The following NCAM2 variants were observed in gnomAD, a reference collection of about 807,000 sequenced individuals.
NCAM2 encodes the protein neural cell adhesion molecule 2.
NCAM2 carries 30 observed loss-of-function variants against 98.1 expected under a neutral mutation model. That is an observed-to-expected ratio of 0.31 (90% CI 0.23 to 0.41). The LOEUF is 0.41. NCAM2 is among the 10% of genes least tolerant of loss of function. The pLI, the probability that NCAM2 is intolerant of heterozygous loss-of-function variation, is 1.00. For missense variants in NCAM2, 867 were observed against 1,005.8 expected, an observed-to-expected ratio of 0.86 and a Z score of 1.87; for synonymous variants, 368 against 342.4, an observed-to-expected ratio of 1.07 and a Z score of -0.83.
At chr21:21,532,920 G>A (rs544506290) in intron 16 of NCAM2, among the ~76,000 whole-genome samples, 10 of 152,050 alleles carry the variant, frequency 6.6e-5, no homozygotes, top group African/African-American at 2.4e-4. Flanking sequence ...GTCTCTTACA[G>A]ACATCTGATT....
intron 12 of NCAM2, among the ~76,000 whole-genome samples, chr21:21,433,795 TA>T (rs1199028277): frequency 1.6e-4 from 22 of 138,268 alleles, no homozygotes; most frequent in Middle Eastern, 3.6e-3. Context: ...TAAAATAAAA[TA>T]AAAATAAAAG....
intron 1 of NCAM2, among the ~76,000 whole-genome samples, chr21:21,016,754 T>C (rs2146165543): frequency 6.6e-6 from 1 of 152,160 alleles, no homozygotes; most frequent in East Asian, 1.9e-4. Context: ...TTTAAAAAGG[T>C]TTTACAAATA....
chr21:21,504,525 A>T lies in NCAM2; in HGVS notation c.2078-4326A>T, dbSNP rs1987850390. 2.0e-5 allele frequency among the ~76,000 whole-genome samples: 3 copies of T among 151,916 alleles called. No homozygotes were observed. The South Asian group carries it at 6.2e-4, about 31-fold the overall frequency. Reference sequence around the variant, plus strand: ...CATCATTAGTAGTGCCCGAATCTTAATGATGTCATTTCATATGTGCTTATG... The same window carrying T: ...CATCATTAGTAGTGCCCGAATCTTATTGATGTCATTTCATATGTGCTTATG... On this transcript the variant is annotated intron_variant, in intron 15 of 17. Coordinates refer to ENST00000400546, the MANE Select transcript of NCAM2 (RefSeq NM_004540.5).
chr21:21,368,050 C>A (rs2075827947), intron 8 of NCAM2, among the ~76,000 whole-genome samples: 1 of 151,686 alleles, frequency 6.6e-6, no homozygotes, highest in Non-Finnish European at 1.5e-5. Flanking sequence ...AAGGTTTATT[C>A]TACTTAAAGC....
intron 5 of NCAM2, among the ~76,000 whole-genome samples, chr21:21,318,993 C>T (rs968317004): frequency 1.3e-5 from 2 of 151,970 alleles, no homozygotes; most frequent in African/African-American, 4.8e-5. Flanking sequence ...CATATGCTGG[C>T]CAGGCTCTGT....
chr21:21,026,855 CTTT>C (rs752588922), intron 1 of NCAM2, among the ~76,000 whole-genome samples: 7 of 126,792 alleles, frequency 5.5e-5, no homozygotes, highest in Non-Finnish European at 8.3e-5. Context: ...TCTTCTTCTT[CTTT>C]TTTTTTTTTT....
chr21:21,015,578 A>G lies in NCAM2; in HGVS notation c.55+16960A>G, dbSNP rs1422201208. On this transcript the variant is annotated intron_variant, in intron 1 of 17. Coordinates refer to ENST00000400546, the MANE Select transcript of NCAM2 (RefSeq NM_004540.5). ...ATAGACTAGTATAAATACAACTTTT[A>G]CATGCCCTGGAAAACCAAAAAAAAT... Among the ~76,000 whole-genome samples, 9 of 152,336 alleles carry G rather than the reference A, an allele frequency of 5.9e-5. No homozygotes were observed. In the South Asian group the frequency reaches 1.4e-3, roughly 25 times the overall value.
At chr21:21,133,990 C>A (rs2066988955) in intron 1 of NCAM2, among the ~76,000 whole-genome samples, 1 of 151,334 alleles carries the variant, frequency 6.6e-6, no homozygotes, top group Admixed American at 6.6e-5. Flanking sequence ...GACCTCATTT[C>A]TGGTTCCTTT....
At chr21:21,332,571 G>A (rs1266807172) in intron 6 of NCAM2, among the ~76,000 whole-genome samples, 1 of 152,116 alleles carries the variant, frequency 6.6e-6, no homozygotes, top group Admixed American at 6.5e-5. Flanking sequence ...CCTTACTGGT[G>A]TACACTCATT....
intron 12 of NCAM2, among the ~76,000 whole-genome samples, chr21:21,461,616 T>A (rs1408906127): frequency 1.3e-5 from 2 of 151,940 alleles, no homozygotes; most frequent in Non-Finnish European, 2.9e-5. Context: ...AAATGTTTTA[T>A]TAACCAATAA....
chr21:21,137,774 T>A (rs1486381205), intron 1 of NCAM2, among the ~76,000 whole-genome samples: 1 of 152,060 alleles, frequency 6.6e-6, no homozygotes, highest in African/African-American at 2.4e-5. Context: ...ATGTTGAAAG[T>A]GTAAGAGTGA....
At chr21:21,235,408 A>G (rs2070780370) in intron 1 of NCAM2, among the ~76,000 whole-genome samples, 1 of 152,036 alleles carries the variant, frequency 6.6e-6, no homozygotes, top group Admixed American at 6.6e-5. Flanking sequence ...GTTATGTAAT[A>G]TATGTAAATT....
intron 16 of NCAM2, among the ~76,000 whole-genome samples, chr21:21,533,323 T>G (rs1374384755): frequency 6.6e-6 from 1 of 151,968 alleles, no homozygotes; most frequent in Non-Finnish European, 1.5e-5. Flanking sequence ...CAGACTTTAT[T>G]ATTGTCATTA....
chr21:21,277,951 C>T (rs2072787965), intron 1 of NCAM2, among the ~76,000 whole-genome samples: 1 of 152,010 alleles, frequency 6.6e-6, no homozygotes, highest in South Asian at 2.1e-4. Context: ...AAAAATGGGA[C>T]AGTGAACCGT....
chr21:21,379,541 C>T (rs2076106012), intron 9 of NCAM2, among the ~76,000 whole-genome samples: 1 of 151,986 alleles, frequency 6.6e-6, no homozygotes, highest in Non-Finnish European at 1.5e-5. Flanking sequence ...ATCTGTTTAA[C>T]TTTCAGATAT....
At chr21:21,163,911 G>A (rs2146797224) in intron 1 of NCAM2, among the ~76,000 whole-genome samples, 1 of 152,144 alleles carries the variant, frequency 6.6e-6, no homozygotes, top group East Asian at 1.9e-4. Flanking sequence ...TAGTACAGTG[G>A]GACCAGTTTG....
intron 14 of NCAM2, among the ~76,000 whole-genome samples, chr21:21,473,109 A>G (rs1431908521): frequency 5.3e-5 from 8 of 151,494 alleles, no homozygotes; most frequent in Non-Finnish European, 1.0e-4. Flanking sequence ...CATGCTAACA[A>G]TGATGAGTAC....
intron 1 of NCAM2, among the ~76,000 whole-genome samples, chr21:21,066,774 A>G (rs1451934207): frequency 6.6e-6 from 1 of 152,142 alleles, no homozygotes. Context: ...ATAGCAAGCT[A>G]AAATTTGTTT....
At chr21:21,458,105 G>T (rs1042413588) in intron 12 of NCAM2, among the ~76,000 whole-genome samples, 1 of 152,210 alleles carries the variant, frequency 6.6e-6, no homozygotes, top group South Asian at 2.1e-4. Flanking sequence ...TCAAAGGAAG[G>T]TTTGAAGGTG....
Sources: allele counts gnomAD v4.1 joint callset (sites outside exome capture counted in the v4.1 genomes callset), GRCh38; gene constraint gnomAD v4.1.1; transcripts MANE v1.5; gene names NCBI Gene and HGNC (gene_info 2026-07-23, HGNC 2026-07-21).